The following TM7SF2 variants were observed in gnomAD, a reference collection of about 807,000 sequenced individuals.
TM7SF2 encodes the protein transmembrane 7 superfamily member 2.
Under a neutral mutation model 51.0 loss-of-function variants are expected in TM7SF2, and 51 were observed. The observed-to-expected ratio is 1.00, with a 90% CI of 0.80 to 1.26. The LOEUF is 1.26. Ranked by LOEUF, TM7SF2 falls within the 50% of genes most tolerant of loss-of-function variation. The probability of loss-of-function intolerance (pLI) is 0.00; values close to 1 mark genes in which losing one functional copy is unlikely to be tolerated. For missense variants in TM7SF2, 541 were observed against 547.4 expected, an observed-to-expected ratio of 0.99 and a Z score of 0.12; for synonymous variants, 255 against 241.0, an observed-to-expected ratio of 1.06 and a Z score of -0.54.
intron 1 of TM7SF2, 30 bp from the exon 2 acceptor site, chr11:65,112,485 G>A (rs1487794302): frequency 4.7e-6 from 7 of 1,493,516 alleles, no homozygotes; most frequent in Middle Eastern, 2.4e-4. Context: ...GGCTAGGGGC[G>A]GACGCCCGAC....
intron 9 of TM7SF2, 140 bp downstream of exon 9, chr11:65,115,738 C>T: frequency 6.4e-7 from 1 of 1,561,080 alleles, no homozygotes; most frequent in Non-Finnish European, 8.8e-7. Flanking sequence ...CTGGGGCACA[C>T]CTCTGTGCCA....
chr11:65,114,303 C>T (rs1278328552), intron 5 of TM7SF2, among the ~76,000 whole-genome samples: 3 of 111,054 alleles, frequency 2.7e-5, no homozygotes, highest in Admixed American at 1.7e-4. Context: ...AGGCTTGCTC[C>T]GGCTAGCCAC....
At position 65,113,227 on chromosome 11, in the gene TM7SF2, G is replaced by T. The variant is rs1280023643; in HGVS notation, c.312G>T (p.Gln104His). 1.9e-6 allele frequency: 3 copies of T among 1,599,302 alleles called. No individual in the cohort carries two copies. Among genetic ancestry groups the T allele is most frequent in the South Asian group, 1.1e-5 (1 of 90,714 alleles). Residue 104 changes from glutamine to histidine, a missense_variant, in exon 4 of 10, where the codon CAG becomes CAT. Physicochemically the swap from Gln to His is conservative, Grantham distance 24. Coordinates refer to ENST00000279263, the MANE Select transcript of TM7SF2 (RefSeq NM_003273.6). ...SRLRYPINGF[Q>H]ALVLTALLVG... is the part of the protein sequence containing the mutation. ...CTGTGCGCTGTGGTTCAGGCTTCCA[G>T]GCCCTGGTGCTGACAGCCCTGTTGG...
intron 5 of TM7SF2, among the ~76,000 whole-genome samples, 198 bp from the exon 6 acceptor site, chr11:65,114,515 A>C (rs1947950632): frequency 6.6e-6 from 1 of 152,256 alleles, no homozygotes; most frequent in African/African-American, 2.4e-5. Context: ...CCTTAGCCCG[A>C]AAGGGCTTAG....
chr11:65,116,079 G>C lies in TM7SF2; in HGVS notation c.*26G>C. 1 of 1,592,902 alleles carries C rather than the reference G, an allele frequency of 6.3e-7. No homozygotes were observed. Among genetic ancestry groups the C allele is most frequent in the Non-Finnish European group, 8.5e-7 (1 of 1,172,640 alleles). Reference sequence around the variant, plus strand: ...AGCGGCTCCACCACCCCAGGTGGGGGCATGTGCCCACTCATCCACCAGCAC... The same window carrying C: ...AGCGGCTCCACCACCCCAGGTGGGGCCATGTGCCCACTCATCCACCAGCAC... On this transcript the variant is annotated 3_prime_UTR_variant, in exon 10 of 10. Coordinates refer to ENST00000279263, the MANE Select transcript of TM7SF2 (RefSeq NM_003273.6).
chr11:65,112,536 T>A lies in TM7SF2; in HGVS notation c.74T>A (p.Leu25Gln). 6.5e-7 allele frequency: 1 copy of A among 1,531,728 alleles called. No homozygotes were observed. Among genetic ancestry groups the A allele is most frequent in the Admixed American group, 1.9e-5 (1 of 51,392 alleles). 94.9% of individuals were successfully genotyped at this position (1,531,728 alleles called of 1,614,324 possible). ...GCAGGCGCCGCGGCTCTGCTACTGC[T>A]GCTGCCCGCCACCATGTTCCACCTG... The part of the protein sequence containing the change: ...GPLGAAALLL[L>Q]LPATMFHLLL... Residue 25 changes from leucine (L) to glutamine (Q), a missense_variant, in exon 2 of 10, where the codon CTG (leucine) becomes CAG (glutamine). Coordinates refer to ENST00000279263, the MANE Select transcript of TM7SF2 (RefSeq NM_003273.6).
In TM7SF2 at chr11:65,112,997, C is replaced by T; in HGVS notation, c.304+132C>T. 2.5e-6 allele frequency: 3 copies of T among 1,192,216 alleles called. No homozygotes were observed. The South Asian group carries it at 4.5e-5, about 18-fold the overall frequency. The allele number at this position is 1,192,216 out of a possible 1,614,324, so 73.9% of individuals were successfully genotyped here. A position where few individuals can be genotyped will look rare whatever the true frequency, so the allele number is the denominator to read the frequency against. On this transcript the variant is annotated intron_variant, in intron 3 of 9. Coordinates refer to ENST00000279263, the MANE Select transcript of TM7SF2 (RefSeq NM_003273.6). ...GTGCCTCTGTTACGCCCAGGACAGA[C>T]GCCGGGGGCTCTCCCTATGCCCCTC...
chr11:65,112,013 A>G lies in TM7SF2; in HGVS notation c.-3A>G, dbSNP rs781494796. On this transcript the variant is annotated 5_prime_UTR_variant, in exon 1 of 10. Transcript: ENST00000279263. The stretch of plus-strand genomic sequence containing the variant: ...GCCCTCTCTCTCCGGCGGAGCGGAG[A>G]CCATGGCCCCCACTCAGGGCCCCCG... 2 of 1,584,954 alleles carry G rather than the reference A, an allele frequency of 1.3e-6. No individual in the cohort carries two copies. Among genetic ancestry groups the G allele is most frequent in the Admixed American group, 3.7e-5 (2 of 54,216 alleles).
intron 3 of TM7SF2, 30 bp from the exon 4 acceptor site, chr11:65,113,190 C>G (rs1193532339): frequency 1.3e-6 from 2 of 1,551,890 alleles, no homozygotes; most frequent in Non-Finnish European, 1.7e-6. Context: ...AGGCGCGCAG[C>G]CCCAGGGCTC....
chr11:65,114,933 G>A lies in TM7SF2; in HGVS notation c.744G>A (p.Met248Ile). 1 of 1,614,188 alleles carries A rather than the reference G, an allele frequency of 6.2e-7. No individual in the cohort carries two copies. Among genetic ancestry groups the A allele is most frequent in the Admixed American group, 1.7e-5 (1 of 60,026 alleles). Residue 248 changes from methionine (M) to isoleucine (I), a missense_variant, in exon 7 of 10, where the codon ATG becomes ATA. Met to Ile is a conservative substitution (Grantham distance 10). Coordinates refer to ENST00000279263, the MANE Select transcript of TM7SF2 (RefSeq NM_003273.6). ...LWHEEAVLTT[M>I]DITHDGFGFM... ...TGCAGGAGGCCGTCCTCACCACCAT[G>A]GATATCACACATGACGGGTTTGGCT...
At position 65,115,559 on chromosome 11, in the gene TM7SF2, GGA is replaced by G. The variant is rs1357645029; in HGVS notation, c.1060_1061del (p.Asp354ProfsTer33). 6.2e-7 allele frequency: 1 copy of G among 1,614,006 alleles called. No individual in the cohort carries two copies. The highest frequency in any genetic ancestry group is 1.7e-5 in the Admixed American group (1 of 59,998). Reference sequence around the variant, plus strand: ...TATGGTCCGCCATCCCAACTATCTTGGAGACCTCATCATGGCTCTGGCTTGGT... The same window carrying G: ...TATGGTCCGCCATCCCAACTATCTTGGACCTCATCATGGCTCTGGCTTGGT... ...WGMVRHPNYL[G>X]DLIMALAWSL... On this transcript the variant is annotated frameshift_variant, in exon 9 of 10. Coordinates refer to ENST00000279263, the MANE Select transcript of TM7SF2 (RefSeq NM_003273.6). LOFTEE classifies it high-confidence loss of function.
chr11:65,113,687 A>T (rs1005762085), intron 5 of TM7SF2, 93 bp downstream of exon 5: 11 of 1,041,664 alleles, frequency 1.1e-5, no homozygotes, highest in African/African-American at 1.6e-5. Context: ...AACTGTGCAG[A>T]TGCGAGTCAT....
rs1947976533 is a variant in TM7SF2, at chr11:65,115,932, TCACCGCGCTGCTGGTG to T, written c.1142_1157del (p.Ala381ValfsTer82). 1 of 1,614,056 alleles carries T rather than the reference TCACCGCGCTGCTGGTG, an allele frequency of 6.2e-7. No homozygotes were observed. The highest frequency in any genetic ancestry group is 1.3e-5 in the African/African-American group (1 of 75,046). On this transcript the variant is annotated frameshift_variant, in exon 10 of 10. Coordinates refer to ENST00000279263, the MANE Select transcript of TM7SF2 (RefSeq NM_003273.6). LOFTEE classifies it high-confidence loss of function. Reference sequence around the variant, plus strand: ...CTGCCCTACTTCTACCTCCTCTACTTCACCGCGCTGCTGGTGCACCGTGAGGCCCGGGATGAGCGGC... The same window carrying T: ...CTGCCCTACTTCTACCTCCTCTACTTCACCGTGAGGCCCGGGATGAGCGGC...
rs913852743 is a variant in TM7SF2, at chr11:65,113,424, G to T, written c.499+10G>T. 3 of 1,614,056 alleles carry T rather than the reference G, an allele frequency of 1.9e-6. No homozygotes were observed. Among genetic ancestry groups the T allele is most frequent in the Non-Finnish European group, 2.5e-6 (3 of 1,180,008 alleles). ...CCTGGGGGGAACTCAGGTGAGAGGGGTCCTGGGGTGGAGACGGAGGCAGAT... is the reference window on the plus strand; with the variant it reads ...CCTGGGGGGAACTCAGGTGAGAGGGTTCCTGGGGTGGAGACGGAGGCAGAT... On this transcript the variant is annotated intron_variant, in intron 4 of 9. Coordinates refer to ENST00000279263, the MANE Select transcript of TM7SF2 (RefSeq NM_003273.6).
In TM7SF2 at chr11:65,114,845, T is replaced by G. The variant is rs754602343; in HGVS notation, c.723+13T>G. On this transcript the variant is annotated intron_variant, in intron 6 of 9. Transcript: ENST00000279263. ...CCTCTGGCACGAGGTGAGGCTGGACTGGACGAGGGTGGGTGTCTGAGGGCC... is the reference window on the plus strand; with the variant it reads ...CCTCTGGCACGAGGTGAGGCTGGACGGGACGAGGGTGGGTGTCTGAGGGCC... The G allele has an allele frequency of 1.9e-6, 3 of 1,614,228 alleles. No homozygotes were observed. The East Asian group carries it at 6.7e-5, about 36-fold the overall frequency.
rs1191802924 is a variant in TM7SF2 at position 65,111,947 on chromosome 11, AAATGGGGCGGAC to A, written c.-67_-56del. 2 of 1,513,090 alleles carry A rather than the reference AAATGGGGCGGAC, an allele frequency of 1.3e-6. No homozygotes were observed. The highest frequency in any genetic ancestry group is 2.8e-5 in the African/African-American group (2 of 72,366). The allele number at this position is 1,513,090 out of a possible 1,614,324, so 93.7% of individuals were successfully genotyped here. A position where few individuals can be genotyped will look rare whatever the true frequency, so the allele number is the denominator to read the frequency against. ...CGCGCGGCCGAGTCCATCTCCTGGG[AAATGGGGCGGAC>A]AGTGTTTCCTTGACTGACTATTGTG... On this transcript the variant is annotated 5_prime_UTR_variant, in exon 1 of 10. It removes an upstream start codon present in the reference 5' UTR. Transcript: ENST00000279263.
rs550724585 is a variant in TM7SF2, at chr11:65,112,968, T to C, written c.304+103T>C. On this transcript the variant is annotated intron_variant, in intron 3 of 9. Coordinates refer to ENST00000279263, the MANE Select transcript of TM7SF2 (RefSeq NM_003273.6). ...AGATTGGCCCCCACCCCAGGCTCCT[T>C]TGTGTGCCTCTGTTACGCCCAGGAC... 3.6e-6 allele frequency: 5 copies of C among 1,392,448 alleles called. No individual in the cohort carries two copies. In the African/African-American group the frequency reaches 5.8e-5, roughly 16 times the overall value. The allele number at this position is 1,392,448 out of a possible 1,614,324, so 86.3% of individuals were successfully genotyped here. A position where few individuals can be genotyped will look rare whatever the true frequency, so the allele number is the denominator to read the frequency against.
Position 65,111,923 on chromosome 11 carries a change from G to C in TM7SF2, c.-93G>C. The C allele has an allele frequency of 7.2e-6, 10 of 1,389,740 alleles. No homozygotes were observed. The South Asian group carries it at 1.1e-4, about 15-fold the overall frequency. 86.1% of individuals were successfully genotyped at this position (1,389,740 alleles called of 1,614,324 possible). ...CAGGCGCCGCGGGGCCGGATCCTCC[G>C]CGCGGCCGAGTCCATCTCCTGGGAA... On this transcript the variant is annotated 5_prime_UTR_variant, in exon 1 of 10. Transcript: ENST00000279263.
chr11:65,115,486 C>A lies in TM7SF2; in HGVS notation c.984C>A (p.Thr328=). The A allele has an allele frequency of 6.2e-7, 1 of 1,614,116 alleles. No homozygotes were observed. The highest frequency in any genetic ancestry group is 8.5e-7 in the Non-Finnish European group (1 of 1,180,018). The part of the protein sequence containing the change: ...PSDPRVAGLE[T]ISTATGRKLL... The stretch of plus-strand genomic sequence containing the variant: ...GCTGTCTTTCCCCAGGGCTTGAGAC[C>A]ATCTCTACAGCCACAGGGCGGAAAC... The change falls in exon 9 of 10, where the codon ACC becomes ACA. Residue 328 remains threonine, a synonymous_variant. Transcript: ENST00000279263.
Sources: allele counts gnomAD v4.1 joint callset (sites outside exome capture counted in the v4.1 genomes callset), GRCh38; gene constraint gnomAD v4.1.1; transcripts MANE v1.5; gene names NCBI Gene and HGNC (gene_info 2026-07-23, HGNC 2026-07-21).